Variants in PICALM observed in about 807,000 individuals in gnomAD.
The protein encoded by PICALM is phosphatidylinositol binding clathrin assembly protein, also known as phosphatidylinositol-binding clathrin assembly protein.
PICALM carries 40 observed loss-of-function variants against 80.5 expected under a neutral mutation model. That is an observed-to-expected ratio of 0.50 (90% CI 0.39 to 0.65). The LOEUF is 0.65. Among genes scored for constraint, PICALM ranks in the 30% least tolerant of loss-of-function variants. The pLI is 0.00. For missense variants in PICALM, 676 were observed against 778.9 expected (o/e 0.87, Z 1.57); for synonymous variants, 288 against 260.3 (o/e 1.11, Z -1.02).
chr11:86,004,521 T>A (rs1216729577), intron 8 of PICALM, among the ~76,000 whole-genome samples: 1 of 152,172 alleles, frequency 6.6e-6, no homozygotes, highest in Non-Finnish European at 1.5e-5. Context: ...ACGTTTTTTT[T>A]TTTAATGGAA....
rs1445393530 is a variant in PICALM, at chr11:85,957,223, T to C, written c.*1823A>G. On this transcript the variant is annotated 3_prime_UTR_variant, in exon 20 of 20. Coordinates refer to ENST00000393346, the MANE Select transcript of PICALM (RefSeq NM_007166.4). ...TACTGAAACTTAAAAGCTGATAAAA[T>C]TTATTGGCTACGACTACATTTTTTC... is the stretch of plus-strand genomic sequence containing the variant. Among the ~76,000 whole-genome samples, 7 of 152,204 alleles carry C rather than the reference T, an allele frequency of 4.6e-5. No homozygotes were observed. The highest frequency in any genetic ancestry group is 2.0e-4 in the Admixed American group (3 of 15,278).
chr11:85,966,630 A>ACT (rs2093909620), intron 19 of PICALM, among the ~76,000 whole-genome samples: 2 of 152,126 alleles, frequency 1.3e-5, no homozygotes, highest in Non-Finnish European at 2.9e-5. Flanking sequence ...CCCCCAAAAG[A>ACT]TGTGTTGAAG....
chr11:86,007,149 A>C (rs1269466899), intron 8 of PICALM, among the ~76,000 whole-genome samples: 1 of 152,206 alleles, frequency 6.6e-6, no homozygotes, highest in East Asian at 1.9e-4. Flanking sequence ...TGAGTCAAAC[A>C]GTCAAAGTGG....
At chr11:86,023,821 G>A (rs2095605181) in intron 3 of PICALM, among the ~76,000 whole-genome samples, 1 of 152,034 alleles carries the variant, frequency 6.6e-6, no homozygotes, top group African/African-American at 2.4e-5. Flanking sequence ...TATATATCTG[G>A]CTTCTGTTTA....
chr11:86,007,059 G>A (rs1203020742), intron 8 of PICALM, among the ~76,000 whole-genome samples: 1 of 152,092 alleles, frequency 6.6e-6, no homozygotes, highest in Non-Finnish European at 1.5e-5. Flanking sequence ...GCACAGCCGG[G>A]ACTGAAATTT....
In PICALM at chr11:86,069,026, T is replaced by G; in HGVS notation, c.-246A>C. The stretch of plus-strand genomic sequence containing the variant: ...CCCCCGCCTCAGTTCAGCCCACCCC[T>G]TCCCGGGTCAGCTGGAGCCGGGCAG... On this transcript the variant is annotated 5_prime_UTR_variant, in exon 1 of 20. Coordinates refer to ENST00000393346, the MANE Select transcript of PICALM (RefSeq NM_007166.4). 22 of 482,450 alleles carry G rather than the reference T, an allele frequency of 4.6e-5. No individual in the cohort carries two copies. The highest frequency in any genetic ancestry group is 1.4e-4 in the East Asian group (4 of 27,922). 29.9% of individuals were successfully genotyped at this position (482,450 alleles called of 1,614,324 possible).
In PICALM at chr11:86,068,927, C is replaced by A. The variant is rs2096485565; in HGVS notation, c.-147G>T. 1.9e-6 allele frequency: 2 copies of A among 1,074,214 alleles called. No homozygotes were observed. Among genetic ancestry groups the A allele is most frequent in the Non-Finnish European group, 2.6e-6 (2 of 772,176 alleles). The allele number at this position is 1,074,214 out of a possible 1,614,324, so 66.5% of individuals were successfully genotyped here. A position where few individuals can be genotyped will look rare whatever the true frequency, so the allele number is the denominator to read the frequency against. On this transcript the variant is annotated 5_prime_UTR_variant, in exon 1 of 20. Coordinates refer to ENST00000393346, the MANE Select transcript of PICALM (RefSeq NM_007166.4). ...CGGCCTGGGGCGCGGTTCGGGGCCGCGCGCTGCCACCAGTCCAGAGAGAAC... is the reference window on the plus strand; with the variant it reads ...CGGCCTGGGGCGCGGTTCGGGGCCGAGCGCTGCCACCAGTCCAGAGAGAAC...
intron 3 of PICALM, chr11:86,023,304 T>C (rs1193435288): frequency 4.1e-6 from 1 of 242,044 alleles, no homozygotes; most frequent in African/African-American, 2.3e-5. Flanking sequence ...GATTTCAACA[T>C]CACCAGTTCA....
intron 1 of PICALM, among the ~76,000 whole-genome samples, chr11:86,057,176 C>T (rs1177566640): frequency 6.6e-6 from 1 of 151,442 alleles, no homozygotes; most frequent in East Asian, 1.9e-4. Flanking sequence ...GATTATGTCT[C>T]AATTTTAAAA....
chr11:86,040,092 G>A lies in PICALM; in HGVS notation c.131-8481C>T, dbSNP rs150895325. ...AAATATAGAAATATACATGAGGAAC[G>A]AAAGAAACAAACTGTCTTAGTGTTA... On this transcript the variant is annotated intron_variant, in intron 1 of 19. Transcript: ENST00000393346. 2.3e-3 allele frequency among the ~76,000 whole-genome samples: 342 copies of A among 151,156 alleles called. 2 individuals are homozygous for A. The highest frequency in any genetic ancestry group is 7.9e-3 in the African/African-American group (327 of 41,276).
At chr11:86,013,266 G>A (rs944817573) in intron 5 of PICALM, among the ~76,000 whole-genome samples, 12 of 152,170 alleles carry the variant, frequency 7.9e-5, no homozygotes, top group African/African-American at 2.9e-4. Context: ...AATGAGCTAT[G>A]ATCATGCCAC....
intron 17 of PICALM, among the ~76,000 whole-genome samples, chr11:85,979,754 G>A (rs1229001005): frequency 3.3e-5 from 5 of 152,248 alleles, no homozygotes; most frequent in South Asian, 4.1e-4. Context: ...AAGGACAACC[G>A]CAGCCTCTAA....
chr11:86,047,176 T>G (rs2096087429), intron 1 of PICALM, among the ~76,000 whole-genome samples: 2 of 152,174 alleles, frequency 1.3e-5, no homozygotes, highest in Admixed American at 1.3e-4. Flanking sequence ...CTACCCCCAT[T>G]TCCATGTGGT....
At chr11:85,986,481 C>T (rs1450001854) in intron 13 of PICALM, among the ~76,000 whole-genome samples, 1 of 147,836 alleles carries the variant, frequency 6.8e-6, no homozygotes. Context: ...AGCTCCACTT[C>T]CTGGGTTCAC....
Position 86,022,444 on chromosome 11 carries a change from C to G in PICALM, c.375G>C (p.Arg125Ser), listed in dbSNP as rs200363412. ...LQGYDMSTFIRRYSRYLNEKA... is the reference protein window; with the variant it reads ...LQGYDMSTFISRYSRYLNEKA... ...TCTCATTTAAATATCTACTATACCG[C>G]CTAATAAATGTAGACATGTCATATC... The change falls in exon 4 of 20, where the codon AGG becomes AGC. Residue 125 changes from arginine (R) to serine (S), a missense_variant. Physicochemically the swap from Arg to Ser is moderately radical, Grantham distance 110 (BLOSUM62 -1). This residue lies in a region of PICALM where 285 missense variants were observed against 395.4 expected (regional missense o/e 0.72). Transcript: ENST00000393346. The G allele has an allele frequency of 6.4e-7, 1 of 1,567,826 alleles. No homozygotes were observed. The highest frequency in any genetic ancestry group is 8.7e-7 in the Non-Finnish European group (1 of 1,155,528).
intron 2 of PICALM, among the ~76,000 whole-genome samples, chr11:86,028,838 CTT>C (rs71040205): frequency 0.022 from 2,818 of 126,302 alleles, 75 homozygotes; most frequent in African/African-American, 0.063. Context: ...TTTTAATTTT[CTT>C]TTTTTTTTTT....
At chr11:86,053,167 C>A (rs934025278) in intron 1 of PICALM, among the ~76,000 whole-genome samples, 1 of 152,178 alleles carries the variant, frequency 6.6e-6, no homozygotes, top group Non-Finnish European at 1.5e-5. Flanking sequence ...AATAGTGACA[C>A]TGTTAATTAA....
At chr11:85,981,342 A>C in intron 16 of PICALM, 114 bp from the exon 17 acceptor site, 8 of 652,806 alleles carry the variant, frequency 1.2e-5, no homozygotes, top group Non-Finnish European at 2.1e-5. Flanking sequence ...GTGGTGGCTC[A>C]TGCCTGTAAT....
chr11:86,004,632 C>A (rs1009483495), intron 8 of PICALM, among the ~76,000 whole-genome samples: 4 of 151,858 alleles, frequency 2.6e-5, no homozygotes, highest in Non-Finnish European at 5.9e-5. Flanking sequence ...ACTGTCCGCT[C>A]TAAGTGAAGC....
Sources: allele counts gnomAD v4.1 joint callset (sites outside exome capture counted in the v4.1 genomes callset), GRCh38; gene constraint gnomAD v4.1.1; regional missense constraint gnomAD v4.1.1; transcripts MANE v1.5; gene names NCBI Gene and HGNC (gene_info 2026-07-23, HGNC 2026-07-21).